The following SLC30A8 variants were observed in gnomAD, a reference collection of about 807,000 sequenced individuals.
SLC30A8 encodes the protein proton-coupled zinc antiporter SLC30A8.
A neutral mutation model predicts 36.9 loss-of-function variants in SLC30A8; 27 were observed. The observed-to-expected ratio is 0.73, with a 90% confidence interval of 0.54 to 1.01. The LOEUF (loss-of-function observed/expected upper bound fraction) is 1.01, where lower values mean the gene tolerates loss of function less well. SLC30A8 is among the 50% of genes least tolerant of loss of function. SLC30A8 has a pLI of 0.00. For missense variants in SLC30A8, 439 were observed against 452.0 expected (o/e 0.97, Z 0.26); for synonymous variants, 164 against 172.4 (o/e 0.95, Z 0.38).
intron 1 of SLC30A8, among the ~76,000 whole-genome samples, chr8:116,995,945 G>A (rs566623691): frequency 6.6e-6 from 1 of 152,276 alleles, no homozygotes; most frequent in East Asian, 1.9e-4. Flanking sequence ...TGTACTGCAT[G>A]TAGCCCTCTC....
At chr8:116,973,444 T>A (rs1439685332) in intron 1 of SLC30A8, among the ~76,000 whole-genome samples, 2 of 152,070 alleles carry the variant, frequency 1.3e-5, no homozygotes, top group African/African-American at 4.8e-5. Flanking sequence ...CACAATTACT[T>A]CAAAGAGAAT....
intron 1 of SLC30A8, among the ~76,000 whole-genome samples, chr8:117,145,560 C>T (rs1249987421): frequency 3.3e-5 from 5 of 151,942 alleles, no homozygotes; most frequent in Admixed American, 3.3e-4. Flanking sequence ...TTGTTATTAC[C>T]TTTCAGAGTC....
chr8:117,130,913 C>G (rs73317613), upstream of SLC30A8, among the ~76,000 whole-genome samples: 1 of 151,888 alleles, frequency 6.6e-6, no homozygotes, highest in Non-Finnish European at 1.5e-5. Context: ...ATTTCTCCCC[C>G]CAAAAATAAT....
intron 7 of SLC30A8, among the ~76,000 whole-genome samples, chr8:117,171,436 T>C (rs971909791): frequency 6.6e-6 from 1 of 152,146 alleles, no homozygotes; most frequent in Admixed American, 6.5e-5. Context: ...CTTCAAGGCC[T>C]TGGACTCTGA....
intron 6 of SLC30A8, among the ~76,000 whole-genome samples, chr8:117,168,369 T>A (rs1468680867): frequency 6.6e-6 from 1 of 152,206 alleles, no homozygotes; most frequent in Admixed American, 6.5e-5. Context: ...TATTATATCT[T>A]ATTGATTTCA....
intron 1 of SLC30A8, among the ~76,000 whole-genome samples, chr8:117,037,489 G>A (rs1453771259): frequency 2.0e-5 from 3 of 152,120 alleles, no homozygotes; most frequent in African/African-American, 7.2e-5. Context: ...GAGCAGGGGA[G>A]TCACCATACC....
chr8:117,100,841 T>A (rs1819682745), intron 2 of SLC30A8, among the ~76,000 whole-genome samples: 2 of 152,318 alleles, frequency 1.3e-5, no homozygotes, highest in South Asian at 4.1e-4. Flanking sequence ...TTCATAAAAT[T>A]GTTACCCAGA....
chr8:117,007,812 G>C lies in SLC30A8; in HGVS notation c.-265-31407G>C, dbSNP rs905408534. Among the ~76,000 whole-genome samples, 3 of 152,132 alleles carry C rather than the reference G, an allele frequency of 2.0e-5. No homozygotes were observed. In the South Asian group the frequency reaches 6.2e-4, roughly 32 times the overall value. On this transcript the variant is annotated intron_variant, in intron 1 of 10. Coordinates refer to the SLC30A8 transcript ENST00000427715. ...CTGAAACTTGGACCAAAGGCTTTCT[G>C]ATTCCAAAAAATATTCTTTTTTAAA...
At chr8:116,986,137 G>T (rs1396144923) in intron 1 of SLC30A8, among the ~76,000 whole-genome samples, 1 of 152,182 alleles carries the variant, frequency 6.6e-6, no homozygotes, top group Non-Finnish European at 1.5e-5. Context: ...AATGAGGGAA[G>T]ATTCTTTGTA....
At chr8:117,047,670 C>T (rs1817594149) in intron 2 of SLC30A8, among the ~76,000 whole-genome samples, 1 of 152,088 alleles carries the variant, frequency 6.6e-6, no homozygotes, top group Non-Finnish European at 1.5e-5. Flanking sequence ...GTCATTTCGT[C>T]AGAGGCGTTT....
intron 1 of SLC30A8, among the ~76,000 whole-genome samples, chr8:117,010,888 C>G (rs936454970): frequency 1.3e-5 from 2 of 152,140 alleles, no homozygotes; most frequent in Non-Finnish European, 2.9e-5. Flanking sequence ...GTCACAAGAA[C>G]AACACCAGGC....
chr8:117,111,565 G>C (rs1194456876), intron 2 of SLC30A8, among the ~76,000 whole-genome samples: 2 of 152,152 alleles, frequency 1.3e-5, no homozygotes, highest in African/African-American at 2.4e-5. Flanking sequence ...TTCCCTGACT[G>C]TGATAGTTTA....
intron 1 of SLC30A8, among the ~76,000 whole-genome samples, chr8:116,991,858 G>C (rs1815655534): frequency 6.6e-6 from 1 of 152,134 alleles, no homozygotes; most frequent in Non-Finnish European, 1.5e-5. Context: ...AGGGTCCACT[G>C]CTAATGCGGA....
At chr8:117,167,187 C>T (rs1823099663) in intron 6 of SLC30A8, among the ~76,000 whole-genome samples, 1 of 151,930 alleles carries the variant, frequency 6.6e-6, no homozygotes, top group African/African-American at 2.4e-5. Flanking sequence ...ATAGCTCTTC[C>T]CTGGTGATTA....
chr8:116,990,758 T>C (rs1047739542), intron 1 of SLC30A8, among the ~76,000 whole-genome samples: 55 of 152,144 alleles, frequency 3.6e-4, no homozygotes, highest in African/African-American at 1.3e-3. Flanking sequence ...ACCATGATAA[T>C]GTAAGATGTT....
chr8:116,970,393 G>A (rs1190079527), intron 1 of SLC30A8, among the ~76,000 whole-genome samples: 1 of 152,138 alleles, frequency 6.6e-6, no homozygotes, highest in East Asian at 1.9e-4. Flanking sequence ...AGTAGAAGGA[G>A]TACACTTAAG....
intron 1 of SLC30A8, among the ~76,000 whole-genome samples, chr8:116,965,735 A>G (rs908633582): frequency 6.6e-6 from 1 of 152,142 alleles, no homozygotes; most frequent in Non-Finnish European, 1.5e-5. Context: ...ACTGGTTTAA[A>G]TCAATTTTGG....
intron 2 of SLC30A8, among the ~76,000 whole-genome samples, chr8:117,087,927 CAGGG>C (rs1372814744): frequency 1.3e-5 from 2 of 151,374 alleles, no homozygotes; most frequent in Non-Finnish European, 2.9e-5. Context: ...GATGGGGAGA[CAGGG>C]AGGAAAGAAA....
intron 2 of SLC30A8, among the ~76,000 whole-genome samples, chr8:117,127,590 AT>A (rs1820958669): frequency 6.6e-6 from 1 of 152,042 alleles, no homozygotes; most frequent in Admixed American, 6.6e-5. Flanking sequence ...TAAATGTTTC[AT>A]TTTAAGTTGT....
Sources: gnomAD v4.1 joint callset for allele counts (sites outside exome capture counted in the v4.1 genomes callset) on GRCh38, gnomAD v4.1.1 for gene constraint, MANE v1.5 for transcripts, NCBI Gene and HGNC (gene_info 2026-07-23, HGNC 2026-07-21) for gene names.